The following PRKCB variants were observed in gnomAD, a reference collection of about 807,000 sequenced individuals.
PRKCB encodes protein kinase C beta type.
In PRKCB, 13 loss-of-function variants were observed where a neutral mutation model predicts 81.5. The ratio of observed to expected loss-of-function variants is 0.16; its 90% confidence interval spans 0.10 to 0.25. The LOEUF (loss-of-function observed/expected upper bound fraction) is 0.25, where lower values mean the gene tolerates loss of function less well. Ranked by LOEUF, PRKCB falls within the 10% of genes least tolerant of loss-of-function variation. PRKCB has a pLI of 1.00. For synonymous variants in PRKCB, 335 were observed against 321.4 expected, an observed-to-expected ratio of 1.04 and a Z score of -0.45; for missense variants, 509 against 875.7, an observed-to-expected ratio of 0.58 and a Z score of 5.29.
intron 2 of PRKCB, among the ~76,000 whole-genome samples, chr16:23,916,874 C>T (rs1963749035): frequency 6.6e-6 from 1 of 152,050 alleles, no homozygotes; most frequent in Non-Finnish European, 1.5e-5. Context: ...ATCCTCCTAC[C>T]TTAGCCTCCT....
chr16:24,028,728 G>A (rs1048778488), intron 3 of PRKCB, among the ~76,000 whole-genome samples: 4 of 152,126 alleles, frequency 2.6e-5, no homozygotes, highest in Admixed American at 1.3e-4. Flanking sequence ...CACGTCGAAC[G>A]ACATTTGGGT....
chr16:23,977,603 C>T (rs113959658), intron 2 of PRKCB, among the ~76,000 whole-genome samples: 3,074 of 152,198 alleles, frequency 0.02, 99 homozygotes, highest in African/African-American at 0.069. Flanking sequence ...CACATGTGGT[C>T]GCGCATACAG....
At chr16:24,173,795 A>G (rs1473932049) in intron 11 of PRKCB, among the ~76,000 whole-genome samples, 1 of 152,162 alleles carries the variant, frequency 6.6e-6, no homozygotes, top group African/African-American at 2.4e-5. Flanking sequence ...CCATTCATTC[A>G]CTATATAACT....
chr16:23,941,385 G>A (rs776428730), intron 2 of PRKCB, among the ~76,000 whole-genome samples: 73 of 152,236 alleles, frequency 4.8e-4, no homozygotes, highest in Admixed American at 2.8e-3. Context: ...AGGGAAAAAG[G>A]ACACTGTCTC....
In PRKCB at chr16:24,214,960, T is replaced by G; in HGVS notation, c.*144T>G. The G allele has an allele frequency of 6.8e-7, 1 of 1,478,862 alleles. No individual in the cohort carries two copies. Among genetic ancestry groups the G allele is most frequent in the Non-Finnish European group, 8.9e-7 (1 of 1,121,002 alleles). The allele number at this position is 1,478,862 out of a possible 1,614,324, so 91.6% of individuals were successfully genotyped here. A position where few individuals can be genotyped will look rare whatever the true frequency, so the allele number is the denominator to read the frequency against. On this transcript the variant is annotated 3_prime_UTR_variant, in exon 17 of 17. Coordinates refer to ENST00000643927, the MANE Select transcript of PRKCB (RefSeq NM_002738.7). The stretch of plus-strand genomic sequence containing the variant: ...GAGTGACAGTGTTTCAGAACCCAAA[T>G]GTCCTCAGGTAGTTTGGAGCATCTC...
chr16:24,177,397 A>AG (rs1967551875), intron 12 of PRKCB, among the ~76,000 whole-genome samples: 1 of 152,190 alleles, frequency 6.6e-6, no homozygotes, highest in African/African-American at 2.4e-5. Flanking sequence ...TGGTCTTTAA[A>AG]GGGGTATTTA....
At chr16:24,079,020 A>G (rs1229880277) in intron 5 of PRKCB, among the ~76,000 whole-genome samples, 2 of 152,210 alleles carry the variant, frequency 1.3e-5, no homozygotes. Context: ...ACCTGCACGT[A>G]TACATCCAGA....
chr16:23,886,746 C>T (rs572754213), intron 2 of PRKCB, among the ~76,000 whole-genome samples: 2 of 152,270 alleles, frequency 1.3e-5, no homozygotes, highest in African/African-American at 2.4e-5. Flanking sequence ...TTGGCTTCAG[C>T]AGGGGCTCAG....
intron 2 of PRKCB, among the ~76,000 whole-genome samples, chr16:23,862,153 G>A (rs1011939769): frequency 2.0e-5 from 3 of 152,206 alleles, no homozygotes; most frequent in Non-Finnish European, 4.4e-5. Flanking sequence ...GGATTCATTC[G>A]TATTTCTCTG....
intron 3 of PRKCB, among the ~76,000 whole-genome samples, chr16:24,020,992 CTT>C (rs1172068517): frequency 7.8e-6 from 1 of 127,806 alleles, no homozygotes; most frequent in Non-Finnish European, 1.7e-5. Context: ...TTCTTTCTTT[CTT>C]TCTTTCTTTC....
At chr16:23,856,234 C>T (rs1962564738) in intron 2 of PRKCB, among the ~76,000 whole-genome samples, 1 of 152,148 alleles carries the variant, frequency 6.6e-6, no homozygotes, top group Non-Finnish European at 1.5e-5. Context: ...TACTTTATAC[C>T]TCACATTACT....
intron 2 of PRKCB, among the ~76,000 whole-genome samples, chr16:23,920,043 T>C (rs1270451435): frequency 6.6e-6 from 1 of 152,202 alleles, no homozygotes; most frequent in Non-Finnish European, 1.5e-5. Flanking sequence ...GATTAAATGG[T>C]AATTCTATTT....
chr16:24,010,560 T>G (rs1965189141), intron 3 of PRKCB, among the ~76,000 whole-genome samples: 2 of 152,048 alleles, frequency 1.3e-5, no homozygotes, highest in African/African-American at 4.8e-5. Flanking sequence ...GGCAGGGAGC[T>G]TTAAAAGAAT....
intron 10 of PRKCB, among the ~76,000 whole-genome samples, chr16:24,161,519 T>A (rs1967257484): frequency 6.6e-6 from 1 of 152,200 alleles, no homozygotes; most frequent in Admixed American, 6.5e-5. Context: ...AAGTTTTTTT[T>A]AATGTACCAC....
intron 2 of PRKCB, among the ~76,000 whole-genome samples, chr16:23,877,097 G>A (rs942992335): frequency 1.3e-5 from 2 of 152,108 alleles, no homozygotes; most frequent in East Asian, 3.9e-4. Context: ...ACTAATGACT[G>A]TTTCCTTCAG....
intron 3 of PRKCB, among the ~76,000 whole-genome samples, chr16:24,021,032 CTT>C (rs1401984747): frequency 4.3e-5 from 6 of 139,500 alleles, no homozygotes; most frequent in East Asian, 2.2e-4. Flanking sequence ...TTCTTTCTTT[CTT>C]TCTTTCTCTT....
intron 3 of PRKCB, among the ~76,000 whole-genome samples, chr16:24,017,494 G>A (rs1232229281): frequency 2.7e-5 from 4 of 150,530 alleles, no homozygotes; most frequent in East Asian, 1.9e-4. Context: ...TATTAAACAC[G>A]CAGGCACACA....
intron 2 of PRKCB, among the ~76,000 whole-genome samples, chr16:23,942,969 A>G (rs1054512252): frequency 6.6e-6 from 1 of 152,162 alleles, no homozygotes; most frequent in Non-Finnish European, 1.5e-5. Context: ...TGTCTCTTCT[A>G]TCTTGTTCTT....
intron 2 of PRKCB, among the ~76,000 whole-genome samples, chr16:23,843,076 T>TGGGTA (rs1419512958): frequency 6.6e-6 from 1 of 152,234 alleles, no homozygotes; most frequent in Non-Finnish European, 1.5e-5. Flanking sequence ...TTTATTTTAG[T>TGGGTA]GGGTAATTAA....
Sources: gnomAD v4.1 joint callset for allele counts (sites outside exome capture counted in the v4.1 genomes callset) on GRCh38, gnomAD v4.1.1 for gene constraint, MANE v1.5 for transcripts, NCBI Gene and HGNC (gene_info 2026-07-23, HGNC 2026-07-21) for gene names.